PDSS2: variants seen among roughly 807,000 people sequenced by gnomAD.
The protein encoded by PDSS2 is decaprenyl diphosphate synthase subunit 2, also known as all trans-polyprenyl-diphosphate synthase PDSS2.
A neutral mutation model predicts 44.5 loss-of-function variants in PDSS2; 31 were observed. The ratio of observed to expected loss-of-function variants is 0.70; its 90% CI spans 0.52 to 0.94. The LOEUF is 0.94. Among genes scored for constraint, PDSS2 ranks in the 40% least tolerant of loss-of-function variants. The pLI, the probability that PDSS2 is intolerant of heterozygous loss-of-function variation, is 0.00. For synonymous variants in PDSS2, 157 were observed against 180.3 expected (o/e 0.87, Z 1.03); for missense variants, 452 against 482.2 (o/e 0.94, Z 0.59).
chr6:107,277,821 C>T (rs2430477), intron 2 of PDSS2, among the ~76,000 whole-genome samples: 35,650 of 151,756 alleles, frequency 0.23, 5,556 homozygotes, highest in Middle Eastern at 0.48. Flanking sequence ...GGCGTGTTGG[C>T]GGGTGCCTGA....
chr6:107,172,132 A>G (rs550863771), intron 7 of PDSS2, among the ~76,000 whole-genome samples: 1 of 152,230 alleles, frequency 6.6e-6, no homozygotes, highest in South Asian at 2.1e-4. Context: ...AGATATTAAC[A>G]AAGAGAGAAG....
chr6:107,458,058 T>C (rs754412935), intron 1 of PDSS2, among the ~76,000 whole-genome samples: 1 of 152,166 alleles, frequency 6.6e-6, no homozygotes, highest in Non-Finnish European at 1.5e-5. Context: ...TTGACATATA[T>C]AGACATATCT....
intron 7 of PDSS2, among the ~76,000 whole-genome samples, chr6:107,168,790 T>C (rs1472727922): frequency 2.6e-5 from 4 of 152,276 alleles, no homozygotes; most frequent in African/African-American, 9.6e-5. Flanking sequence ...TCTTTAAGAA[T>C]GTTGAATATT....
At chr6:107,375,053 GAAAGT>G (rs1386425806) in intron 1 of PDSS2, among the ~76,000 whole-genome samples, 1 of 151,942 alleles carries the variant, frequency 6.6e-6, no homozygotes, top group Non-Finnish European at 1.5e-5. Flanking sequence ...TAAATTGAAT[GAAAGT>G]AAATAAAAAT....
At chr6:107,438,165 C>T (rs1781411689) in intron 1 of PDSS2, among the ~76,000 whole-genome samples, 1 of 152,060 alleles carries the variant, frequency 6.6e-6, no homozygotes, top group Admixed American at 6.6e-5. Flanking sequence ...TAATTAGACT[C>T]AATAACTCAA....
In PDSS2 at chr6:107,208,285, CTTTTTTTTT is replaced by C. The variant is rs1164014672; in HGVS notation, c.1008+2145_1008+2153del. 3.2e-3 allele frequency among the ~76,000 whole-genome samples: 172 copies of C among 53,298 alleles called. 1 individual carries two copies. The highest frequency in any genetic ancestry group is 0.014 in the African/African-American group (162 of 11,434). 35.0% of individuals were successfully genotyped at this position (53,298 alleles called of 152,430 possible). On this transcript the variant is annotated intron_variant, in intron 6 of 7. Transcript: ENST00000369037. ...ACAGGTGTAAGCCACCATGCCTGGC[CTTTTTTTTT>C]TTTTTTTTTTTTTTTTTTTTTAAAG... is the stretch of plus-strand genomic sequence containing the variant.
chr6:107,183,204 G>A (rs1324507422), intron 7 of PDSS2, among the ~76,000 whole-genome samples: 1 of 88,798 alleles, frequency 1.1e-5, no homozygotes, highest in East Asian at 3.8e-4. Flanking sequence ...AAGCAAGACT[G>A]TCTAAAAAAA....
chr6:107,332,647 G>T (rs1369865947), intron 2 of PDSS2, among the ~76,000 whole-genome samples: 3 of 151,888 alleles, frequency 2.0e-5, no homozygotes, highest in African/African-American at 7.3e-5. Context: ...GGTTTGGAGG[G>T]AACATGAGAA....
intron 1 of PDSS2, among the ~76,000 whole-genome samples, chr6:107,364,238 C>A (rs368480011): frequency 8.5e-5 from 13 of 152,210 alleles, no homozygotes; most frequent in South Asian, 2.1e-4. Flanking sequence ...CTGCGCCGTG[C>A]GCTCGCATTC....
intron 1 of PDSS2, among the ~76,000 whole-genome samples, chr6:107,453,458 G>GAA (rs748000071): frequency 6.9e-6 from 1 of 143,910 alleles, no homozygotes. Flanking sequence ...TTTAGAGAAA[G>GAA]AAAAAAAAAA....
At chr6:107,298,877 C>A (rs1205723584) in intron 2 of PDSS2, among the ~76,000 whole-genome samples, 1 of 152,132 alleles carries the variant, frequency 6.6e-6, no homozygotes, top group African/African-American at 2.4e-5. Flanking sequence ...CATGGTGGCT[C>A]ACATCTGTAA....
chr6:107,219,435 G>A (rs868482241), intron 4 of PDSS2, among the ~76,000 whole-genome samples: 1 of 151,952 alleles, frequency 6.6e-6, no homozygotes, highest in Non-Finnish European at 1.5e-5. Context: ...CTACAGGTGC[G>A]CACCACTACA....
intron 4 of PDSS2, among the ~76,000 whole-genome samples, chr6:107,217,310 A>T (rs764119823): frequency 1.3e-5 from 2 of 152,148 alleles, no homozygotes; most frequent in Non-Finnish European, 2.9e-5. Context: ...AAATGAGGGG[A>T]TTACTCTGGT....
At chr6:107,260,011 C>T (rs1270306072) in intron 3 of PDSS2, among the ~76,000 whole-genome samples, 1 of 152,170 alleles carries the variant, frequency 6.6e-6, no homozygotes, top group East Asian at 1.9e-4. Flanking sequence ...GGTCCCAGAA[C>T]AATGACAATT....
intron 6 of PDSS2, among the ~76,000 whole-genome samples, chr6:107,194,121 G>A (rs1470357955): frequency 6.6e-6 from 1 of 152,182 alleles, no homozygotes. Context: ...GCTTCAGCAT[G>A]TATCTTATAC....
chr6:107,371,486 T>A (rs1779127763), intron 1 of PDSS2, among the ~76,000 whole-genome samples: 1 of 152,162 alleles, frequency 6.6e-6, no homozygotes, highest in South Asian at 2.1e-4. Context: ...CAGGTTACAT[T>A]CTCCTGTTTT....
At chr6:107,420,429 C>T (rs1333344287) in intron 1 of PDSS2, among the ~76,000 whole-genome samples, 1 of 152,190 alleles carries the variant, frequency 6.6e-6, no homozygotes, top group Non-Finnish European at 1.5e-5. Flanking sequence ...CTTATATTGT[C>T]TCACTACATC....
At chr6:107,297,485 C>T (rs1449604190) in intron 2 of PDSS2, among the ~76,000 whole-genome samples, 1 of 151,494 alleles carries the variant, frequency 6.6e-6, no homozygotes, top group Admixed American at 6.6e-5. Context: ...CAAGTTCACA[C>T]CATTCTCCTG....
chr6:107,274,176 T>C lies in PDSS2; in HGVS notation c.483A>G (p.Val161=), dbSNP rs1775695513. The change falls in exon 3 of 8, where the codon GTA becomes GTG. Residue 161 remains valine (V), a synonymous_variant. Transcript: ENST00000369037. ...CATTTAAATTTACTATCCCACGATGTACAAGGAGAGCAATATGAATTAGCT... is the reference window on the plus strand; with the variant it reads ...CATTTAAATTTACTATCCCACGATGCACAAGGAGAGCAATATGAATTAGCT... ...ITELIHIALL[V]HRGIVNLNEL... is the part of the protein sequence containing the mutation. 1.2e-6 allele frequency: 2 copies of C among 1,614,020 alleles called. No individual in the cohort carries two copies. The highest frequency in any genetic ancestry group is 1.7e-6 in the Non-Finnish European group (2 of 1,179,846).
Sources: allele counts gnomAD v4.1 joint callset (sites outside exome capture counted in the v4.1 genomes callset), GRCh38; gene constraint gnomAD v4.1.1; transcripts MANE v1.5; gene names NCBI Gene and HGNC (gene_info 2026-07-23, HGNC 2026-07-21).